The following CACNA2D1 variants were observed in gnomAD, a reference collection of about 807,000 sequenced individuals.
CACNA2D1 encodes the protein voltage-dependent calcium channel subunit alpha-2/delta-1.
Under a neutral mutation model 171.5 loss-of-function variants are expected in CACNA2D1, and 53 were observed. The ratio of observed to expected loss-of-function variants is 0.31; its 90% CI spans 0.25 to 0.39. The LOEUF (loss-of-function observed/expected upper bound fraction) is 0.39. CACNA2D1 is among the 10% of genes least tolerant of loss of function. The pLI is 1.00. For synonymous variants in CACNA2D1, 442 were observed against 443.1 expected (o/e 1.00, Z 0.03); for missense variants, 903 against 1,299.8 (o/e 0.69, Z 4.69).
At chr7:82,167,267 G>T (rs990405331) in intron 4 of CACNA2D1, among the ~76,000 whole-genome samples, 1 of 151,904 alleles carries the variant, frequency 6.6e-6, no homozygotes, top group Non-Finnish European at 1.5e-5. Context: ...TAAATGTTTG[G>T]TTAAAATATT....
At chr7:82,295,310 A>G (rs1186958790) in intron 3 of CACNA2D1, among the ~76,000 whole-genome samples, 2 of 151,194 alleles carry the variant, frequency 1.3e-5, no homozygotes, top group Non-Finnish European at 2.9e-5. Context: ...AATTTATTGT[A>G]TACTTGAAAA....
At chr7:82,105,578 T>C (rs258682) in intron 6 of CACNA2D1, among the ~76,000 whole-genome samples, 57,122 of 151,682 alleles carry the variant, frequency 0.38, 11,094 homozygotes, top group Non-Finnish European at 0.42. Context: ...TATCTCCATA[T>C]AAAATTTGTT....
At chr7:82,345,573 TA>T (rs951289640) in intron 2 of CACNA2D1, among the ~76,000 whole-genome samples, 4 of 152,116 alleles carry the variant, frequency 2.6e-5, no homozygotes, top group African/African-American at 9.7e-5. Flanking sequence ...TCATTAACTT[TA>T]AAACATTGTT....
intron 3 of CACNA2D1, among the ~76,000 whole-genome samples, chr7:82,193,703 A>C (rs1798568342): frequency 6.6e-6 from 1 of 151,984 alleles, no homozygotes; most frequent in South Asian, 2.1e-4. Context: ...CTTCCCCCCA[A>C]CAAGCGAAAT....
At chr7:82,411,259 G>A (rs1042567277) in intron 1 of CACNA2D1, among the ~76,000 whole-genome samples, 5 of 152,178 alleles carry the variant, frequency 3.3e-5, no homozygotes, top group African/African-American at 1.2e-4. Flanking sequence ...GTGGTTGAGA[G>A]AAAGTTTGAA....
chr7:82,009,124 G>A (rs1168972539), intron 15 of CACNA2D1: 2 of 152,208 alleles, frequency 1.3e-5, no homozygotes, highest in East Asian at 3.9e-4. Context: ...GTGATAGTGA[G>A]TAATTTCTCA....
chr7:82,271,015 ACT>A (rs1180017768), intron 3 of CACNA2D1, among the ~76,000 whole-genome samples: 1 of 151,826 alleles, frequency 6.6e-6, no homozygotes, highest in Admixed American at 6.6e-5. Flanking sequence ...TTCCCATGAG[ACT>A]CTGGCTCTAT....
intron 6 of CACNA2D1, among the ~76,000 whole-genome samples, chr7:82,096,109 C>T (rs1414629522): frequency 1.3e-5 from 2 of 152,158 alleles, no homozygotes; most frequent in East Asian, 3.9e-4. Context: ...GTGTCTGGAA[C>T]CTTTCTAAGC....
In CACNA2D1 at chr7:81,949,732, A is replaced by G. The variant is rs1175752251; in HGVS notation, c.*660T>C. 6.6e-6 allele frequency: 1 copy of G among 152,254 alleles called. No homozygotes were observed. Among genetic ancestry groups the G allele is most frequent in the African/African-American group, 2.4e-5 (1 of 41,440 alleles). 9.4% of individuals were successfully genotyped at this position (152,254 alleles called of 1,614,324 possible). A position where few individuals can be genotyped will look rare whatever the true frequency, so the allele number is the denominator to read the frequency against. On this transcript the variant is annotated 3_prime_UTR_variant, in exon 39 of 39. Transcript: ENST00000356860. Reference sequence around the variant, plus strand: ...CCTTTAGTTTAATAATTTCTTAGTTACTATTTTCAAACCATCAATTCATTA... The same window carrying G: ...CCTTTAGTTTAATAATTTCTTAGTTGCTATTTTCAAACCATCAATTCATTA...
intron 12 of CACNA2D1, among the ~76,000 whole-genome samples, chr7:82,015,605 A>ATTTT: frequency 6.6e-6 from 1 of 152,158 alleles, no homozygotes; most frequent in South Asian, 2.1e-4. Context: ...AAGTAAACCC[A>ATTTT]TACTCTCAGC....
At chr7:82,077,748 AAATGTT>A (rs954066097) in intron 7 of CACNA2D1, among the ~76,000 whole-genome samples, 1 of 107,726 alleles carries the variant, frequency 9.3e-6, no homozygotes, top group Non-Finnish European at 1.9e-5. Flanking sequence ...GTCCATAAAC[AAATGTT>A]AAAGTAAAAA....
intron 15 of CACNA2D1, among the ~76,000 whole-genome samples, chr7:82,008,618 A>G (rs1442358576): frequency 6.6e-6 from 1 of 152,094 alleles, no homozygotes; most frequent in African/African-American, 2.4e-5. Context: ...CTTTAAAATA[A>G]TTTTTATTGT....
chr7:82,194,776 T>C (rs1798687851), intron 3 of CACNA2D1, among the ~76,000 whole-genome samples: 1 of 151,942 alleles, frequency 6.6e-6, no homozygotes, highest in African/African-American at 2.4e-5. Context: ...GAGGAAGAAC[T>C]GGAAAACCTA....
At chr7:82,177,653 CAG>C (rs915132797) in intron 3 of CACNA2D1, among the ~76,000 whole-genome samples, 10 of 152,190 alleles carry the variant, frequency 6.6e-5, no homozygotes, top group African/African-American at 2.4e-4. Flanking sequence ...TATTTACTAA[CAG>C]AATGTAGAAT....
intron 4 of CACNA2D1, among the ~76,000 whole-genome samples, chr7:82,165,546 A>G (rs1795364279): frequency 6.6e-6 from 1 of 152,054 alleles, no homozygotes; most frequent in Non-Finnish European, 1.5e-5. Context: ...CCCATGGTTA[A>G]TATTTTTTAT....
chr7:82,433,489 A>T (rs1015031305), intron 1 of CACNA2D1, among the ~76,000 whole-genome samples: 1 of 152,196 alleles, frequency 6.6e-6, no homozygotes, highest in African/African-American at 2.4e-5. Context: ...ATCTCCAGTA[A>T]ATTAAAATTA....
At chr7:82,058,981 T>G (rs557922323) in intron 10 of CACNA2D1, among the ~76,000 whole-genome samples, 1 of 152,116 alleles carries the variant, frequency 6.6e-6, no homozygotes, top group African/African-American at 2.4e-5. Context: ...TAAATTCTCT[T>G]CCTCCTAGTA....
At chr7:82,157,477 C>T (rs1281527486) in intron 4 of CACNA2D1, among the ~76,000 whole-genome samples, 3 of 151,914 alleles carry the variant, frequency 2.0e-5, no homozygotes, top group East Asian at 1.9e-4. Context: ...GAAGAAACTT[C>T]GAGGATTAAA....
intron 18 of CACNA2D1, among the ~76,000 whole-genome samples, chr7:81,998,679 C>T (rs2130809405): frequency 6.6e-6 from 1 of 152,100 alleles, no homozygotes; most frequent in African/African-American, 2.4e-5. Context: ...AGTACTCTAT[C>T]ACTACAATCA....
Sources: allele counts gnomAD v4.1 joint callset (sites outside exome capture counted in the v4.1 genomes callset), GRCh38; gene constraint gnomAD v4.1.1; transcripts MANE v1.5; gene names NCBI Gene and HGNC (gene_info 2026-07-23, HGNC 2026-07-21).